ZBTB20: variants seen among roughly 807,000 people sequenced by gnomAD.
The protein encoded by ZBTB20 is zinc finger and BTB domain-containing protein 20.
In ZBTB20, 9 loss-of-function variants were observed where a neutral mutation model predicts 56.9. The observed-to-expected ratio is 0.16, with a 90% CI of 0.10 to 0.28. The LOEUF is 0.28. Among genes scored for constraint, ZBTB20 ranks in the 10% least tolerant of loss-of-function variants. ZBTB20 has a pLI of 1.00. For missense variants in ZBTB20, 655 were observed against 1,003.0 expected, an observed-to-expected ratio of 0.65 and a Z score of 4.69; for synonymous variants, 417 against 420.7, an observed-to-expected ratio of 0.99 and a Z score of 0.11.
chr3:114,601,994 C>T (rs1369843838), intron 6 of ZBTB20, among the ~76,000 whole-genome samples: 1 of 151,932 alleles, frequency 6.6e-6, no homozygotes, highest in Non-Finnish European at 1.5e-5. Flanking sequence ...TATAATCCAC[C>T]AAACCTCTGG....
rs377711773 is a variant in ZBTB20, at chr3:114,351,245, C to T, written c.833G>A (p.Arg278His). 7.5e-6 allele frequency: 12 copies of T among 1,600,124 alleles called. No homozygotes were observed. Among genetic ancestry groups the T allele is most frequent in the Non-Finnish European group, 9.3e-6 (11 of 1,178,162 alleles). ...GCTGGGGTCTTCCATGTGGTGGTCG[C>T]GGGGCAGGCCGAGCGCAGTCTCGTG... ...SHHETALGLP[R>H]DHHMEDPSWI... The change falls in exon 11 of 12, where the codon CGC (arginine) becomes CAC (histidine). Residue 278 changes from arginine (R) to histidine (H), a missense_variant. Arg to His is a conservative substitution (Grantham distance 29). Transcript: ENST00000675478.
rs2082147655 is a variant in ZBTB20, at chr3:114,364,065, A to T, written c.200-12187T>A. Among the ~76,000 whole-genome samples the T allele has an allele frequency of 2.0e-5, 3 of 150,406 alleles. 1 individual carries two copies. Among genetic ancestry groups the T allele is most frequent in the Non-Finnish European group, 3.0e-5 (2 of 67,594 alleles). ...TTCCCAAAATAAACTTCACTGTAATATTTTTTTTTTCACTAGCATACATCC... is the reference window on the plus strand; with the variant it reads ...TTCCCAAAATAAACTTCACTGTAATTTTTTTTTTTTCACTAGCATACATCC... On this transcript the variant is annotated intron_variant, in intron 10 of 11. Coordinates refer to ENST00000675478, the MANE Select transcript of ZBTB20 (RefSeq NM_001348800.3).
intron 2 of ZBTB20, among the ~76,000 whole-genome samples, chr3:114,998,931 T>C (rs1214627037): frequency 1.3e-5 from 2 of 148,666 alleles, no homozygotes; most frequent in Non-Finnish European, 1.5e-5. Flanking sequence ...AGCCAGAAAA[T>C]TGGGTAAGAT....
intron 2 of ZBTB20, among the ~76,000 whole-genome samples, chr3:115,056,926 T>C (rs1051513077): frequency 6.6e-6 from 1 of 152,124 alleles, no homozygotes; most frequent in Admixed American, 6.5e-5. Context: ...CAATAACAGG[T>C]TTGTGTCTAA....
At chr3:114,608,902 CAAT>C (rs1317647734) in intron 6 of ZBTB20, among the ~76,000 whole-genome samples, 1 of 152,072 alleles carries the variant, frequency 6.6e-6, no homozygotes, top group African/African-American at 2.4e-5. Context: ...GAGATATTAA[CAAT>C]AATAATGATT....
chr3:114,402,296 G>T (rs151315792), intron 7 of ZBTB20, among the ~76,000 whole-genome samples: 70 of 152,202 alleles, frequency 4.6e-4, no homozygotes, highest in African/African-American at 1.7e-3. Flanking sequence ...CTCCAAACAG[G>T]ATTTGATTGG....
intron 5 of ZBTB20, among the ~76,000 whole-genome samples, chr3:114,774,026 G>A (rs575302253): frequency 1.2e-4 from 18 of 152,106 alleles, no homozygotes; most frequent in African/African-American, 3.1e-4. Context: ...AATGATTTTC[G>A]GCATTGAAGA....
In ZBTB20 at chr3:114,380,392, C is replaced by G; in HGVS notation, c.24G>C (p.Lys8Asn). 1 of 1,527,948 alleles carries G rather than the reference C, an allele frequency of 6.5e-7. No homozygotes were observed. The highest frequency in any genetic ancestry group is 1.2e-5 in the South Asian group (1 of 82,750). The allele number at this position is 1,527,948 out of a possible 1,614,324, so 94.6% of individuals were successfully genotyped here. The change falls in exon 10 of 12, where the codon AAG (lysine) becomes AAC (asparagine). Residue 8 changes from lysine (K) to asparagine (N), a missense_variant. Lys to Asn is a moderately conservative substitution (Grantham distance 94). Around this residue, in one of 10 missense-constraint regions of ZBTB20, gnomAD observed 79 missense variants for 78.4 expected, o/e 1.01. Transcript: ENST00000675478. MLERKKP[K>N]TAENQKASEE... is the part of the protein sequence containing the mutation. ...CAGATGCCTTCTGGTTTTCAGCTGT[C>G]TTGGGTTTCTTCCTGAAAATAAACA...
intron 7 of ZBTB20, among the ~76,000 whole-genome samples, chr3:114,457,154 A>C (rs1317403932): frequency 6.6e-6 from 1 of 152,230 alleles, no homozygotes; most frequent in South Asian, 2.1e-4. Context: ...GTGCTTAGTA[A>C]ATGTCTGTTG....
chr3:114,541,815 G>A (rs1166479335), intron 6 of ZBTB20, among the ~76,000 whole-genome samples: 1 of 152,126 alleles, frequency 6.6e-6, no homozygotes, highest in Admixed American at 6.5e-5. Flanking sequence ...AATAGGACTA[G>A]CTGAGGAAAC....
At chr3:114,421,286 G>C (rs1040872380) in intron 7 of ZBTB20, among the ~76,000 whole-genome samples, 5 of 152,094 alleles carry the variant, frequency 3.3e-5, no homozygotes, top group Non-Finnish European at 7.4e-5. Context: ...GGCATTAAGG[G>C]TAAGAGAGAA....
At chr3:114,358,926 C>T (rs1473880416) in intron 10 of ZBTB20, among the ~76,000 whole-genome samples, 4 of 152,148 alleles carry the variant, frequency 2.6e-5, no homozygotes, top group Admixed American at 1.3e-4. Flanking sequence ...CATAACTGAT[C>T]ATGTTTCCCT....
At chr3:114,802,414 G>A (rs908135673) in intron 4 of ZBTB20, among the ~76,000 whole-genome samples, 1 of 151,804 alleles carries the variant, frequency 6.6e-6, no homozygotes, top group Non-Finnish European at 1.5e-5. Flanking sequence ...TCTATTTGAT[G>A]TACATAGATT....
rs1291785957 is a variant in ZBTB20, at chr3:114,316,642, T to A, written c.*22363A>T. The A allele has an allele frequency of 4.0e-6, 2 of 501,090 alleles. No homozygotes were observed. The highest frequency in any genetic ancestry group is 8.1e-6 in the Non-Finnish European group (2 of 246,202). The allele number at this position is 501,090 out of a possible 1,614,324, so 31.0% of individuals were successfully genotyped here. A position where few individuals can be genotyped will look rare whatever the true frequency, so the allele number is the denominator to read the frequency against. On this transcript the variant is annotated 3_prime_UTR_variant, in exon 12 of 12. Transcript: ENST00000675478. Reference sequence around the variant, plus strand: ...TTAACTTTCCCCTGCTCCCTCTGTATATTTTAAACAGTCTGGAGCTTTAAT... The same window carrying A: ...TTAACTTTCCCCTGCTCCCTCTGTAAATTTTAAACAGTCTGGAGCTTTAAT...
At chr3:114,703,495 A>T (rs558867352) in intron 5 of ZBTB20, among the ~76,000 whole-genome samples, 102 of 100,824 alleles carry the variant, frequency 1.0e-3, no homozygotes, top group Admixed American at 6.5e-3. Flanking sequence ...GGGAAAATGG[A>T]GGGACTACTT....
intron 3 of ZBTB20, among the ~76,000 whole-genome samples, chr3:114,953,637 G>C (rs2107926888): frequency 6.6e-6 from 1 of 152,066 alleles, no homozygotes; most frequent in East Asian, 1.9e-4. Context: ...TAATGTTGAA[G>C]AGTTAATTAG....
intron 1 of ZBTB20, among the ~76,000 whole-genome samples, chr3:115,130,152 CA>C (rs933919631): frequency 2.0e-5 from 3 of 152,080 alleles, no homozygotes; most frequent in South Asian, 2.1e-4. Flanking sequence ...TCCTGAGATA[CA>C]AAAGTCAAGT....
At chr3:114,809,997 A>C (rs1369583258) in intron 4 of ZBTB20, among the ~76,000 whole-genome samples, 2 of 152,152 alleles carry the variant, frequency 1.3e-5, no homozygotes, top group Non-Finnish European at 1.5e-5. Flanking sequence ...CCCTGTGTTA[A>C]CACAGTTTAG....
intron 2 of ZBTB20, among the ~76,000 whole-genome samples, chr3:115,003,259 G>C (rs1213388995): frequency 6.6e-6 from 1 of 151,554 alleles, no homozygotes; most frequent in East Asian, 2.0e-4. Context: ...TCCATTAAAT[G>C]TACACCCAGT....
Sources: gnomAD v4.1 joint callset for allele counts (sites outside exome capture counted in the v4.1 genomes callset) on GRCh38, gnomAD v4.1.1 for gene constraint, gnomAD v4.1.1 regional missense constraint, MANE v1.5 for transcripts, NCBI Gene and HGNC (gene_info 2026-07-23, HGNC 2026-07-21) for gene names.